SLC22A8: variants seen among roughly 807,000 people sequenced by gnomAD.
The protein encoded by SLC22A8 is solute carrier family 22 member 8, also known as organic anion transporter 3.
A neutral mutation model predicts 48.4 loss-of-function variants in SLC22A8; 40 were observed. The ratio of observed to expected loss-of-function variants is 0.83; its 90% CI spans 0.64 to 1.08. SLC22A8 has a LOEUF of 1.08. SLC22A8 is among the 50% of genes least tolerant of loss of function. The pLI is 0.00. For synonymous variants in SLC22A8, 268 were observed against 286.3 expected (o/e 0.94, Z 0.65); for missense variants, 606 against 699.0 (o/e 0.87, Z 1.50).
At position 62,995,793 on chromosome 11, in the gene SLC22A8, C is replaced by A; in HGVS notation, c.912G>T (p.Glu304Asp). Residue 304 changes from glutamate to aspartate, a missense_variant, in exon 7 of 11, where the codon GAG becomes GAT. Physicochemically the swap from Glu to Asp is conservative, Grantham distance 45. Coordinates refer to ENST00000336232, the MANE Select transcript of SLC22A8 (RefSeq NM_004254.4). ...TGTACTTGGCCTTGGCCAAGGAGAT[C>A]TCCTTCTGCAGGTTGAGTTTGAGCT... ...LEELKLNLQK[E>D]ISLAKAKYTA... 1 of 1,614,082 alleles carries A rather than the reference C, an allele frequency of 6.2e-7. No homozygotes were observed. The highest frequency in any genetic ancestry group is 8.5e-7 in the Non-Finnish European group (1 of 1,179,976).
In SLC22A8 at chr11:63,000,834, GA is replaced by G. The variant is rs1466682389; in HGVS notation, c.334-12del. ...GCACACCAAGTCCCACTGCACAAGA[GA>G]AAGGTAGGGCTAGCCTAACTCAGTG... On this transcript the variant is annotated splice_polypyrimidine_tract_variant and intron_variant, in intron 2 of 10. Coordinates refer to ENST00000336232, the MANE Select transcript of SLC22A8 (RefSeq NM_004254.4). 1 of 1,602,802 alleles carries G rather than the reference GA, an allele frequency of 6.2e-7. No individual in the cohort carries two copies. Among genetic ancestry groups the G allele is most frequent in the East Asian group, 2.2e-5 (1 of 44,842 alleles).
intron 5 of SLC22A8, 77 bp from the exon 6 acceptor site, chr11:62,996,229 C>A: frequency 6.9e-7 from 1 of 1,452,030 alleles, no homozygotes; most frequent in Admixed American, 2.2e-5. Flanking sequence ...ACATCAACAG[C>A]CAGGGCCAAG....
In SLC22A8 at chr11:62,994,597, G is replaced by A. The variant is rs372282335; in HGVS notation, c.1161C>T (p.Ala387=). ...LSYLGRHTTQ[A]AALLLAGGAI... ...CCCCTCCTGCCAGGAGCAGGGCAGC[G>A]GCCTGAGTGGTATGCCGGCCCAGGT... is the stretch of plus-strand genomic sequence containing the variant. The change falls in exon 8 of 11, where the codon GCC becomes GCT. Residue 387 remains alanine (A), a synonymous_variant. Coordinates refer to ENST00000336232, the MANE Select transcript of SLC22A8 (RefSeq NM_004254.4). 9.5e-5 allele frequency: 154 copies of A among 1,613,858 alleles called. 1 individual carries two copies. The highest frequency in any genetic ancestry group is 5.8e-4 in the Admixed American group (35 of 59,962).
Position 62,994,648 on chromosome 11 carries a change from C to T in SLC22A8, c.1110G>A (p.Lys370=). The T allele has an allele frequency of 1.2e-6, 2 of 1,614,226 alleles. 1 individual carries two copies. The highest frequency in any genetic ancestry group is 2.2e-5 in the South Asian group (2 of 91,076). Residue 370 remains lysine (K), a synonymous_variant, in exon 8 of 11, where the codon AAG becomes AAA. Coordinates refer to ENST00000336232, the MANE Select transcript of SLC22A8 (RefSeq NM_004254.4). ...IIFGGVDVPA[K]FITILSLSYL... is the part of the protein sequence containing the mutation. ...AGCTTAAGGAGAGGATGGTGATGAACTTGGCTGGGACATCGACCCCACCAA... is the reference window on the plus strand; with the variant it reads ...AGCTTAAGGAGAGGATGGTGATGAATTTGGCTGGGACATCGACCCCACCAA...
At chr11:63,005,152 A>G (rs1055181792) in intron 2 of SLC22A8, among the ~76,000 whole-genome samples, 4 of 152,328 alleles carry the variant, frequency 2.6e-5, no homozygotes, top group Admixed American at 6.5e-5. Flanking sequence ...TTGAACTTCA[A>G]TTGCACTCTA....
At chr11:62,995,313 G>T (rs1367777527) in intron 7 of SLC22A8, 3 of 259,576 alleles carry the variant, frequency 1.2e-5, no homozygotes, top group Admixed American at 9.9e-5. Flanking sequence ...CATAATTTTT[G>T]TCTTCGAGTC....
intron 5 of SLC22A8, among the ~76,000 whole-genome samples, chr11:62,996,749 T>G (rs2086425634): frequency 6.6e-6 from 1 of 152,178 alleles, no homozygotes; most frequent in Non-Finnish European, 1.5e-5. Flanking sequence ...TCACCCCCAC[T>G]CTCCCTTGCC....
intron 2 of SLC22A8, among the ~76,000 whole-genome samples, chr11:63,006,423 G>A (rs1590697809): frequency 2.6e-5 from 4 of 152,050 alleles, no homozygotes; most frequent in South Asian, 2.1e-4. Flanking sequence ...TTGTCAGTTC[G>A]ATAAATGGAT....
At position 62,993,309 on chromosome 11, in the gene SLC22A8, C is replaced by A; in HGVS notation, c.1557G>T (p.Gln519His). The change falls in exon 11 of 11, where the codon CAG (glutamine) becomes CAT (histidine). Residue 519 changes from glutamine (Q) to histidine (H), a missense_variant. Physicochemically the swap from Gln to His is conservative, Grantham distance 24. Coordinates refer to ENST00000336232, the MANE Select transcript of SLC22A8 (RefSeq NM_004254.4). ...GGGAGGCCTTTTCCACCTCTGGCTCCTGCTTTGGCTTCTTTGCCCGCAGGG... is the reference window on the plus strand; with the variant it reads ...GGGAGGCCTTTTCCACCTCTGGCTCATGCTTTGGCTTCTTTGCCCGCAGGG... ...NWSLRAKKPK[Q>H]EPEVEKASQR... is the part of the protein sequence containing the mutation. The A allele has an allele frequency of 5.0e-6, 8 of 1,613,928 alleles. No homozygotes were observed. Among genetic ancestry groups the A allele is most frequent in the Non-Finnish European group, 6.8e-6 (8 of 1,179,946 alleles).
intron 7 of SLC22A8, 69 bp from the exon 8 acceptor site, chr11:62,994,825 G>A: frequency 8.4e-7 from 1 of 1,183,714 alleles, no homozygotes; most frequent in Non-Finnish European, 1.3e-6. Context: ...CTGGTCATTG[G>A]GTCACCAGGA....
chr11:63,014,852 A>G lies in SLC22A8; in HGVS notation c.107T>C (p.Leu36Pro). ...LPILNMANHN[L>P]LQIFTAATPV... ...GGTGGCGGCTGTGAAGATCTGCAGC[A>G]GGTTGTGGTTGGCCATGTTGAGGAT... The change falls in exon 2 of 11, where the codon CTG (leucine) becomes CCG (proline). Residue 36 changes from leucine to proline, a missense_variant. By Grantham distance (98) the Leu-to-Pro change is moderately conservative (BLOSUM62 -3). Coordinates refer to ENST00000336232, the MANE Select transcript of SLC22A8 (RefSeq NM_004254.4). 3 of 1,612,106 alleles carry G rather than the reference A, an allele frequency of 1.9e-6. No homozygotes were observed. Among genetic ancestry groups the G allele is most frequent in the Non-Finnish European group, 2.5e-6 (3 of 1,178,522 alleles).
intron 2 of SLC22A8, among the ~76,000 whole-genome samples, chr11:63,008,933 C>T (rs575573066): frequency 9.9e-5 from 15 of 152,188 alleles, no homozygotes; most frequent in African/African-American, 2.9e-4. Flanking sequence ...CAGGTCCCTG[C>T]GTACAGTGGG....
Position 62,993,110 on chromosome 11 carries a change from A to T in SLC22A8, c.*127T>A. On this transcript the variant is annotated 3_prime_UTR_variant, in exon 11 of 11. Transcript: ENST00000336232. Reference sequence around the variant, plus strand: ...GGAGGCTCTGGTGGTGGTGATGGAGACACCTTCACCAAGCTCTCAGAAGGC... The same window carrying T: ...GGAGGCTCTGGTGGTGGTGATGGAGTCACCTTCACCAAGCTCTCAGAAGGC... 1.5e-6 allele frequency: 1 copy of T among 672,116 alleles called. No homozygotes were observed. The allele number at this position is 672,116 out of a possible 1,614,324, so 41.6% of individuals were successfully genotyped here.
In SLC22A8 at chr11:63,012,830, CT is replaced by C. The variant is rs2086634547; in HGVS notation, c.333+1795del. ...GAACGCAGGGCTAGCGGCTCTTCGA[CT>C]TTATGTCCTCAGTATTATGCACTGG... On this transcript the variant is annotated intron_variant, in intron 2 of 10. Transcript: ENST00000336232. 3.9e-5 allele frequency among the ~76,000 whole-genome samples: 6 copies of C among 152,278 alleles called. No individual in the cohort carries two copies. In the South Asian group the frequency reaches 1.2e-3, roughly 32 times the overall value.
chr11:63,009,183 G>A (rs2086589308), intron 2 of SLC22A8, among the ~76,000 whole-genome samples: 1 of 152,182 alleles, frequency 6.6e-6, no homozygotes, highest in Non-Finnish European at 1.5e-5. Flanking sequence ...TGAAGCAGAA[G>A]TGCTGCTGGA....
chr11:62,993,348 G>T lies in SLC22A8; in HGVS notation c.1530-12C>A. 1.2e-6 allele frequency: 2 copies of T among 1,613,918 alleles called. No individual in the cohort carries two copies. The highest frequency in any genetic ancestry group is 1.7e-6 in the Non-Finnish European group (2 of 1,179,822). On this transcript the variant is annotated splice_polypyrimidine_tract_variant and intron_variant, in intron 10 of 10. Coordinates refer to ENST00000336232, the MANE Select transcript of SLC22A8 (RefSeq NM_004254.4). Reference sequence around the variant, plus strand: ...TTGCCCGCAGGGACCTAGGGACAGAGAGCTAAGGAAAAGCCCTGGGCCCAG... The same window carrying T: ...TTGCCCGCAGGGACCTAGGGACAGATAGCTAAGGAAAAGCCCTGGGCCCAG...
Position 63,014,515 on chromosome 11 carries a change from C to T in SLC22A8, c.333+111G>A, listed in dbSNP as rs2086651953. ...CCTTCCTCTTTGCCTGCCCAGTGAC[C>T]TGTCCTCAGTTCCTGGGAACACCAG... On this transcript the variant is annotated intron_variant, in intron 2 of 10. Coordinates refer to ENST00000336232, the MANE Select transcript of SLC22A8 (RefSeq NM_004254.4). 4 of 949,614 alleles carry T rather than the reference C, an allele frequency of 4.2e-6. No individual in the cohort carries two copies. The South Asian group carries it at 7.1e-5, about 17-fold the overall frequency. 58.8% of individuals were successfully genotyped at this position (949,614 alleles called of 1,614,324 possible).
Position 62,999,103 on chromosome 11 carries a change from C to G in SLC22A8, c.593-14G>C, listed in dbSNP as rs927047804. 9 of 1,607,398 alleles carry G rather than the reference C, an allele frequency of 5.6e-6. No individual in the cohort carries two copies. The highest frequency in any genetic ancestry group is 7.7e-6 in the Non-Finnish European group (9 of 1,174,868). On this transcript the variant is annotated splice_polypyrimidine_tract_variant and intron_variant, in intron 4 of 10. Coordinates refer to ENST00000336232, the MANE Select transcript of SLC22A8 (RefSeq NM_004254.4). The stretch of plus-strand genomic sequence containing the variant: ...CCCATTCCACATCTGTGGGAGGAGT[C>G]CAAGCACCAGATTAGTGTTCTGCTA...
Position 62,999,847 on chromosome 11 carries a change from A to G in SLC22A8, c.438-5T>C. On this transcript the variant is annotated splice_polypyrimidine_tract_variant and splice_region_variant and intron_variant, in intron 3 of 10. Transcript: ENST00000336232. ...AGGATGGGCCTGCGGCCAAACCTGT[A>G]GCTCGAAGGAGAGGAGGGGCCAGGT... 1.3e-6 allele frequency: 2 copies of G among 1,511,844 alleles called. No homozygotes were observed. The highest frequency in any genetic ancestry group is 2.6e-5 in the South Asian group (2 of 76,114). The allele number at this position is 1,511,844 out of a possible 1,614,324, so 93.7% of individuals were successfully genotyped here.
Sources: gnomAD v4.1 joint callset for allele counts (sites outside exome capture counted in the v4.1 genomes callset) on GRCh38, gnomAD v4.1.1 for gene constraint, MANE v1.5 for transcripts, NCBI Gene and HGNC (gene_info 2026-07-23, HGNC 2026-07-21) for gene names.